The following CCDC39 variants were observed in gnomAD, a reference collection of about 807,000 sequenced individuals.
The protein encoded by CCDC39 is coiled-coil domain 39 molecular ruler complex subunit.
In CCDC39, 113 loss-of-function variants were observed where a neutral mutation model predicts 121.0. The observed-to-expected ratio is 0.93, with a 90% CI of 0.80 to 1.09. CCDC39 has a LOEUF of 1.09. Ranked by LOEUF, CCDC39 falls within the 50% of genes least tolerant of loss-of-function variation. The pLI, the probability that CCDC39 is intolerant of heterozygous loss-of-function variation, is 0.00. For synonymous variants in CCDC39, 349 were observed against 352.2 expected (o/e 0.99, Z 0.10); for missense variants, 1,063 against 1,074.7 (o/e 0.99, Z 0.15).
chr3:180,629,680 G>C (rs138078033), intron 14 of CCDC39, among the ~76,000 whole-genome samples: 3 of 152,260 alleles, frequency 2.0e-5, no homozygotes, highest in African/African-American at 7.2e-5. Flanking sequence ...CCAGTAAAAA[G>C]TGTAAACATG....
intron 11 of CCDC39, among the ~76,000 whole-genome samples, chr3:180,646,471 T>C (rs1170544808): frequency 6.6e-6 from 1 of 152,120 alleles, no homozygotes; most frequent in Non-Finnish European, 1.5e-5. Context: ...AACTTTAACA[T>C]AGGTTTTATA....
intron 1 of CCDC39, among the ~76,000 whole-genome samples, chr3:180,668,651 T>C (rs1711953141): frequency 6.6e-6 from 1 of 152,184 alleles, no homozygotes; most frequent in Non-Finnish European, 1.5e-5. Context: ...TAACTATGTT[T>C]CTATTTGTTG....
Position 180,620,430 on chromosome 3 carries a change from A to T in CCDC39, c.1999-460T>A, listed in dbSNP as rs186442432. Among the ~76,000 whole-genome samples the T allele has an allele frequency of 3.4e-3, 510 of 152,100 alleles. 3 individuals are homozygous for T. The highest frequency in any genetic ancestry group is 7.4e-3 in the Admixed American group (112 of 15,232). On this transcript the variant is annotated intron_variant, in intron 14 of 19. Coordinates refer to ENST00000476379, the MANE Select transcript of CCDC39 (RefSeq NM_181426.2). ...CCACAATTTTAAAAATAATTTTTTTAAAAAAAGATCATTGTAATAAGTGTG... is the reference window on the plus strand; with the variant it reads ...CCACAATTTTAAAAATAATTTTTTTTAAAAAAGATCATTGTAATAAGTGTG...
chr3:180,656,836 T>A (rs918234753), intron 6 of CCDC39, among the ~76,000 whole-genome samples: 2 of 152,220 alleles, frequency 1.3e-5, no homozygotes, highest in South Asian at 4.1e-4. Context: ...ACCAGCACCA[T>A]GGCAGTTTTC....
intron 14 of CCDC39, 137 bp downstream of exon 14, chr3:180,631,332 T>G (rs1717688972): frequency 1.3e-6 from 1 of 775,502 alleles, no homozygotes; most frequent in African/African-American, 1.7e-5. Context: ...TGGCCCTAAT[T>G]AAGTGAAATA....
intron 7 of CCDC39, 39 bp from the exon 8 acceptor site, chr3:180,652,305 C>G: frequency 1.7e-6 from 2 of 1,180,672 alleles, no homozygotes; most frequent in South Asian, 1.6e-5. Context: ...TATATTTACT[C>G]TGTATCTTAT....
intron 1 of CCDC39, among the ~76,000 whole-genome samples, chr3:180,669,704 A>G (rs115497597): frequency 6.6e-6 from 1 of 152,324 alleles, no homozygotes; most frequent in African/African-American, 2.4e-5. Context: ...GACTTGGATA[A>G]TGAAATAAGT....
chr3:180,663,321 A>G (rs932365572), intron 2 of CCDC39, among the ~76,000 whole-genome samples: 1 of 152,138 alleles, frequency 6.6e-6, no homozygotes, highest in Non-Finnish European at 1.5e-5. Context: ...CACCACCATC[A>G]TTGTACCTTT....
chr3:180,657,427 C>G (rs1038214916), intron 6 of CCDC39, among the ~76,000 whole-genome samples: 6 of 152,088 alleles, frequency 3.9e-5, no homozygotes, highest in African/African-American at 1.4e-4. Flanking sequence ...ATTGTGGATC[C>G]GTAATCTTGG....
intron 19 of CCDC39, among the ~76,000 whole-genome samples, chr3:180,615,871 CCA>C (rs958318451): frequency 7.2e-5 from 11 of 152,090 alleles, no homozygotes; most frequent in Admixed American, 7.2e-4. Context: ...ATGTAAAATA[CCA>C]CAGTGTGGTT....
intron 14 of CCDC39, among the ~76,000 whole-genome samples, chr3:180,625,056 C>T (rs920836705): frequency 3.3e-5 from 5 of 152,038 alleles, no homozygotes; most frequent in Non-Finnish European, 1.5e-5. Flanking sequence ...TCTTGTGTCT[C>T]GGCGTCTAAC....
At chr3:180,635,030 T>A (rs1717791837) in intron 13 of CCDC39, among the ~76,000 whole-genome samples, 1 of 152,188 alleles carries the variant, frequency 6.6e-6, no homozygotes, top group African/African-American at 2.4e-5. Context: ...GAGATTTAAT[T>A]GACTCACAGT....
In CCDC39 at chr3:180,651,427, G is replaced by A. The variant is rs1013459246; in HGVS notation, c.1141C>T (p.Leu381=). The A allele has an allele frequency of 1.3e-6, 2 of 1,558,414 alleles. No homozygotes were observed. The highest frequency in any genetic ancestry group is 1.2e-5 in the South Asian group (1 of 83,820). The change falls in exon 9 of 20, where the codon CTA becomes TTA. Residue 381 remains leucine, a synonymous_variant. Coordinates refer to ENST00000476379, the MANE Select transcript of CCDC39 (RefSeq NM_181426.2). The stretch of plus-strand genomic sequence containing the variant: ...TTCACATCTTTTTCCTCCTCCTTTA[G>A]CATATCTTCCAAATTAGTAGCTTTC... ...EEKATNLEDM[L]KEEEKDVKEV...
At chr3:180,629,518 C>T (rs181850113) in intron 14 of CCDC39, among the ~76,000 whole-genome samples, 3 of 152,308 alleles carry the variant, frequency 2.0e-5, no homozygotes, top group Admixed American at 2.0e-4. Flanking sequence ...TAGAAAATGC[C>T]AACACCTTGG....
At chr3:180,643,784 C>A (rs747245366) in intron 12 of CCDC39, among the ~76,000 whole-genome samples, 1 of 152,006 alleles carries the variant, frequency 6.6e-6, no homozygotes, top group African/African-American at 2.4e-5. Flanking sequence ...AATAGCCAAG[C>A]ATTAGAAAGA....
chr3:180,637,448 A>C (rs1182632366), intron 13 of CCDC39, among the ~76,000 whole-genome samples: 1 of 152,204 alleles, frequency 6.6e-6, no homozygotes, highest in Non-Finnish European at 1.5e-5. Flanking sequence ...GTGAGGTTGC[A>C]GAGAAAAAGG....
chr3:180,619,768 C>T (rs369900592), intron 15 of CCDC39, 43 bp downstream of exon 15: 56 of 1,144,744 alleles, frequency 4.9e-5, no homozygotes, highest in Non-Finnish European at 6.4e-5. Context: ...ACTATACACT[C>T]GTCACTGTAT....
Position 180,642,182 on chromosome 3 carries a change from T to G in CCDC39, c.1685A>C (p.Asn562Thr), listed in dbSNP as rs959183002. ...ACGCTTAACTTCAAGTTTTAAAAGATTGTCCTCTATCATCAAATCCTATCA... is the reference window on the plus strand; with the variant it reads ...ACGCTTAACTTCAAGTTTTAAAAGAGTGTCCTCTATCATCAAATCCTATCA... ...GFKQDLMIED[N>T]LLKLEVKRTR... Residue 562 changes from asparagine to threonine, a missense_variant, in exon 13 of 20, where the codon AAT (asparagine) becomes ACT (threonine). Transcript: ENST00000476379. 6.2e-7 allele frequency: 1 copy of G among 1,601,272 alleles called. No individual in the cohort carries two copies. Among genetic ancestry groups the G allele is most frequent in the African/African-American group, 1.3e-5 (1 of 74,698 alleles).
intron 1 of CCDC39, among the ~76,000 whole-genome samples, chr3:180,677,153 ATAATAATAATAATTTTATAT>A (rs1480267127): frequency 5.5e-5 from 6 of 109,188 alleles, no homozygotes; most frequent in African/African-American, 2.4e-4. Context: ...TATAATAATA[ATAATAATAATAATTTTATAT>A]ATATATATAT....
Sources: allele counts gnomAD v4.1 joint callset (sites outside exome capture counted in the v4.1 genomes callset), GRCh38; gene constraint gnomAD v4.1.1; transcripts MANE v1.5; gene names NCBI Gene and HGNC (gene_info 2026-07-23, HGNC 2026-07-21).